NR1H3: variants seen among roughly 807,000 people sequenced by gnomAD.
The protein encoded by NR1H3 is oxysterols receptor LXR-alpha.
NR1H3 carries 19 observed loss-of-function variants against 48.1 expected under a neutral mutation model. That is an observed-to-expected ratio of 0.40 (90% CI 0.28 to 0.58). The LOEUF (loss-of-function observed/expected upper bound fraction) is 0.58. NR1H3 is among the 20% of genes least tolerant of loss of function. The probability of loss-of-function intolerance (pLI) is 0.50; values close to 1 mark genes in which losing one functional copy is unlikely to be tolerated. For synonymous variants in NR1H3, 232 were observed against 227.3 expected (o/e 1.02, Z -0.19); for missense variants, 486 against 595.9 (o/e 0.82, Z 1.92).
At chr11:47,248,742 G>A, upstream of NR1H3, 1 of 1,609,550 alleles carries the variant, frequency 6.2e-7, no homozygotes. Context: ...CGCCGAGAAG[G>A]AGCTGGAGGA....
upstream of NR1H3, chr11:47,257,567 G>A: frequency 1.3e-6 from 1 of 772,942 alleles, no homozygotes; most frequent in East Asian, 1.3e-4. Flanking sequence ...GGAGGAGGAG[G>A]GAGGCTGGGA....
At chr11:47,260,379 G>A (rs746731016) in intron 3 of NR1H3, 30 bp from the exon 4 acceptor site, 4 of 1,584,612 alleles carry the variant, frequency 2.5e-6, no homozygotes, top group Non-Finnish European at 3.4e-6. Context: ...TTCCTCGGGG[G>A]AGAGCGTTGA....
In NR1H3 at chr11:47,260,488, G is replaced by A. The variant is rs1214316283; in HGVS notation, c.312G>A (p.Lys104=). The change falls in exon 4 of 10, where the codon AAG becomes AAA. Residue 104 remains lysine, a synonymous_variant. Transcript: ENST00000441012. ...GNELCSVCGD[K]ASGFHYNVLS... ...AGCTATGCAGCGTGTGTGGGGACAAGGCCTCGGGCTTCCACTACAATGTTC... is the reference window on the plus strand; with the variant it reads ...AGCTATGCAGCGTGTGTGGGGACAAAGCCTCGGGCTTCCACTACAATGTTC... 3 of 1,614,146 alleles carry A rather than the reference G, an allele frequency of 1.9e-6. No individual in the cohort carries two copies. In the East Asian group the frequency reaches 6.7e-5, roughly 36 times the overall value.
At chr11:47,255,653 T>TTCTCTC (rs1333432363), upstream of NR1H3, among the ~76,000 whole-genome samples, 2 of 128,060 alleles carry the variant, frequency 1.6e-5, no homozygotes, top group Non-Finnish European at 3.3e-5. Flanking sequence ...TTCTTTCTCT[T>TTCTCTC]TCTCTCTCTC....
At chr11:47,252,699 G>T (rs562657928) in intron 1 of NR1H3, among the ~76,000 whole-genome samples, 42 of 150,778 alleles carry the variant, frequency 2.8e-4, no homozygotes, top group Non-Finnish European at 5.0e-4. Context: ...TCAGCCTCTC[G>T]AGTAGCTGGG....
upstream of NR1H3, among the ~76,000 whole-genome samples, chr11:47,255,329 T>C (rs561624593): frequency 2.0e-5 from 3 of 152,330 alleles, no homozygotes; most frequent in South Asian, 4.1e-4. Flanking sequence ...TCGGGTTACT[T>C]ACCCTCCTTT....
intron 2 of NR1H3, 186 bp downstream of exon 2, chr11:47,259,445 C>T (rs1165665060): frequency 1.3e-6 from 2 of 1,552,988 alleles, no homozygotes; most frequent in African/African-American, 1.4e-5. Context: ...CCCTTGCAGG[C>T]ACCCGCCCAG....
chr11:47,258,038 G>T lies in NR1H3; in HGVS notation c.-129G>T, dbSNP rs1040747184. On this transcript the variant is annotated 5_prime_UTR_variant, in exon 1 of 10. Coordinates refer to ENST00000441012, the MANE Select transcript of NR1H3 (RefSeq NM_005693.4). ...CTCCAGCTCACTGGCTGGCCACCGA[G>T]ACTTCTGGACAGGAAACTGCACCAT... 32 of 985,372 alleles carry T rather than the reference G, an allele frequency of 3.2e-5. No homozygotes were observed. Among genetic ancestry groups the T allele is most frequent in the Non-Finnish European group, 3.9e-5 (32 of 830,066 alleles). The allele number at this position is 985,372 out of a possible 1,614,324, so 61.0% of individuals were successfully genotyped here.
intron 1 of NR1H3, chr11:47,250,701 A>T (rs1954581632): frequency 6.6e-6 from 1 of 152,244 alleles, no homozygotes; most frequent in Non-Finnish European, 1.5e-5. Flanking sequence ...ATATAATCCC[A>T]AATGGTTCAC....
intron 4 of NR1H3, 80 bp from the exon 5 acceptor site, chr11:47,261,161 T>G: frequency 5.9e-5 from 40 of 678,430 alleles, no homozygotes; most frequent in East Asian, 9.0e-5. Context: ...TGCCCCATCC[T>G]TCCCTCCTGT....
chr11:47,268,322 C>T lies in NR1H3; in HGVS notation c.1164C>T (p.Ala388=). 6.2e-7 allele frequency: 1 copy of T among 1,614,094 alleles called. No homozygotes were observed. The highest frequency in any genetic ancestry group is 8.5e-7 in the Non-Finnish European group (1 of 1,179,998). Reference sequence around the variant, plus strand: ...GGCTGCAGCACACATATGTGGAAGCCCTGCATGCCTACGTCTCCATCCACC... The same window carrying T: ...GGCTGCAGCACACATATGTGGAAGCTCTGCATGCCTACGTCTCCATCCACC... ...VERLQHTYVE[A]LHAYVSIHHP... The change falls in exon 9 of 10, where the codon GCC becomes GCT. Residue 388 remains alanine (A), a synonymous_variant. Coordinates refer to ENST00000441012, the MANE Select transcript of NR1H3 (RefSeq NM_005693.4).
chr11:47,262,111 G>A, intron 7 of NR1H3, 93 bp downstream of exon 7: 1 of 909,128 alleles, frequency 1.1e-6, no homozygotes, highest in South Asian at 1.7e-5. Context: ...CAGGCGCGGT[G>A]GCTCATGCCT....
At chr11:47,267,389 A>G (rs760527960) in intron 7 of NR1H3, among the ~76,000 whole-genome samples, 28 of 152,198 alleles carry the variant, frequency 1.8e-4, no homozygotes, top group Non-Finnish European at 3.5e-4. Flanking sequence ...TGCCCTGCAT[A>G]CTTTGTCATT....
At chr11:47,250,183 G>C (rs958505170) in intron 1 of NR1H3, among the ~76,000 whole-genome samples, 5 of 152,186 alleles carry the variant, frequency 3.3e-5, no homozygotes, top group Admixed American at 2.6e-4. Flanking sequence ...AGGGTGGGAA[G>C]ATTGCTTGAG....
Position 47,267,994 on chromosome 11 carries a change from C to T in NR1H3, c.1070C>T (p.Ala357Val). Residue 357 changes from alanine (A) to valine (V), a missense_variant, in exon 8 of 10, where the codon GCC (alanine) becomes GTC (valine). Physicochemically the swap from Ala to Val is moderately conservative, Grantham distance 64 (BLOSUM62 0). Coordinates refer to ENST00000441012, the MANE Select transcript of NR1H3 (RefSeq NM_005693.4). ...CTGCAACTCAATGATGCCGAGTTTG[C>T]CTTGCTCATTGCTATCAGCATCTTC... is the stretch of plus-strand genomic sequence containing the variant. ...NELQLNDAEF[A>V]LLIAISIFSA... The T allele has an allele frequency of 6.2e-7, 1 of 1,613,890 alleles. No individual in the cohort carries two copies. Among genetic ancestry groups the T allele is most frequent in the Non-Finnish European group, 8.5e-7 (1 of 1,179,890 alleles).
At chr11:47,268,228 G>T (rs753399391) in intron 8 of NR1H3, 33 bp from the exon 9 acceptor site, 3 of 1,602,838 alleles carry the variant, frequency 1.9e-6, no homozygotes, top group Non-Finnish European at 2.6e-6. Flanking sequence ...ACCCTGGCCA[G>T]ACCTGCTCCT....
intron 1 of NR1H3, chr11:47,258,597 A>C (rs1955469564): frequency 1.3e-5 from 2 of 152,276 alleles, no homozygotes; most frequent in Admixed American, 1.3e-4. Flanking sequence ...CCGCCGCCTA[A>C]CTGTGTGACC....
At chr11:47,259,046 A>G (rs112624241) in intron 1 of NR1H3, 134 bp from the exon 2 acceptor site, 24,450 of 1,457,082 alleles carry the variant, frequency 0.017, 254 homozygotes, top group Non-Finnish European at 0.019. Context: ...AAGCCTTAGT[A>G]CAGGCTAATA....
intron 7 of NR1H3, among the ~76,000 whole-genome samples, chr11:47,265,301 AAAAAAG>A (rs1005977412): frequency 4.6e-5 from 7 of 152,136 alleles, no homozygotes; most frequent in Admixed American, 3.3e-4. Context: ...TCAAAAAAAG[AAAAAAG>A]AAAAAGAAAA....
Sources: allele counts gnomAD v4.1 joint callset (sites outside exome capture counted in the v4.1 genomes callset), GRCh38; gene constraint gnomAD v4.1.1; transcripts MANE v1.5; gene names NCBI Gene and HGNC (gene_info 2026-07-23, HGNC 2026-07-21).